The following SCIN variants were observed in gnomAD, a reference collection of about 807,000 sequenced individuals.
SCIN encodes adseverin.
In SCIN, 91 loss-of-function variants were observed where a neutral mutation model predicts 91.8. That is an observed-to-expected ratio of 0.99 (90% confidence interval 0.84 to 1.18). The LOEUF (loss-of-function observed/expected upper bound fraction) is 1.18, where lower values mean the gene tolerates loss of function less well. SCIN is among the 50% of genes most tolerant of loss of function. SCIN has a pLI of 0.00. For synonymous variants in SCIN, 367 were observed against 312.6 expected, an observed-to-expected ratio of 1.17 and a Z score of -1.84; for missense variants, 1,087 against 863.9, an observed-to-expected ratio of 1.26 and a Z score of -3.24.
intron 3 of SCIN, chr7:12,588,830 C>T (rs1023047474): frequency 3.3e-4 from 1 of 3,062 alleles, no homozygotes; most frequent in Non-Finnish European, 6.7e-4. Context: ...GGTGCGGGGG[C>T]GGGTGGGAAG....
intron 13 of SCIN, among the ~76,000 whole-genome samples, chr7:12,646,471 C>A (rs999459226): frequency 5.4e-4 from 82 of 152,166 alleles, no homozygotes; most frequent in Non-Finnish European, 2.8e-4. Context: ...AAGGCCCCAC[C>A]TCCTACTACC....
chr7:12,640,305 A>G, intron 10 of SCIN, 42 bp from the exon 11 acceptor site: 1 of 1,457,024 alleles, frequency 6.9e-7, no homozygotes. Flanking sequence ...CTTTCACAGC[A>G]CTCTTAATTA....
rs376264042 is a variant in SCIN, at chr7:12,651,786, A to G, written c.1960-55A>G. 1.9e-5 allele frequency: 22 copies of G among 1,134,496 alleles called. No homozygotes were observed. In the East Asian group the frequency reaches 5.5e-4, roughly 29 times the overall value. The allele number at this position is 1,134,496 out of a possible 1,614,324, so 70.3% of individuals were successfully genotyped here. A position where few individuals can be genotyped will look rare whatever the true frequency, so the allele number is the denominator to read the frequency against. On this transcript the variant is annotated intron_variant, in intron 14 of 15. Transcript: ENST00000297029. This position sits in a 1 kb window ranked among gnomAD's most constrained non-coding sequence, Gnocchi z 5.9. The stretch of plus-strand genomic sequence containing the variant: ...GTGTGAAGCACTTTACATAGGGCCT[A>G]GCACTGAGTCAACATCCCAGAAATC...
intron 2 of SCIN, among the ~76,000 whole-genome samples, chr7:12,578,687 A>G (rs1266940652): frequency 6.6e-6 from 1 of 152,012 alleles, no homozygotes; most frequent in African/African-American, 2.4e-5. Context: ...AGTAACTGTA[A>G]AGAACTATAC....
chr7:12,584,731 T>C (rs3087643), intron 3 of SCIN, among the ~76,000 whole-genome samples: 10,163 of 152,290 alleles, frequency 0.067, 425 homozygotes, highest in African/African-American at 0.094. Flanking sequence ...CAATATATTT[T>C]AAAGTTGGTG....
Position 12,654,414 on chromosome 7 carries a change from G to T in SCIN, c.*1699G>T, listed in dbSNP as rs2115308286. 6.6e-6 allele frequency: 1 copy of T among 152,182 alleles called. No individual in the cohort carries two copies. Among genetic ancestry groups the T allele is most frequent in the East Asian group, 1.9e-4 (1 of 5,186 alleles). The allele number at this position is 152,182 out of a possible 1,614,324, so 9.4% of individuals were successfully genotyped here. On this transcript the variant is annotated 3_prime_UTR_variant, in exon 16 of 16. Transcript: ENST00000297029. ...CCTAAAGGAAAATTTACCTAAAAAG[G>T]CGTTTTCTTGCTATGGCAGTGTAAC...
chr7:12,594,956 C>CTT, intron 3 of SCIN, among the ~76,000 whole-genome samples: 1 of 151,938 alleles, frequency 6.6e-6, no homozygotes, highest in Non-Finnish European at 1.5e-5. Flanking sequence ...ATGAGGTGGC[C>CTT]AACAATGGGA....
Position 12,629,157 on chromosome 7 carries a change from A to T in SCIN, c.1254A>T (p.Glu418Asp), listed in dbSNP as rs757677217. The stretch of plus-strand genomic sequence containing the variant: ...AAGTTGACCAAAACTCATATGGTGA[A>T]TTCTATGGTGGTGACTGCTACATCA... ...RIQVDQNSYG[E>D]FYGGDCYIIL... Residue 418 changes from glutamate to aspartate, a missense_variant, in exon 9 of 16, where the codon GAA (glutamate) becomes GAT (aspartate). Physicochemically the swap from Glu to Asp is conservative, Grantham distance 45. Coordinates refer to ENST00000297029, the MANE Select transcript of SCIN (RefSeq NM_001112706.3). The T allele has an allele frequency of 3.7e-6, 6 of 1,613,348 alleles. No homozygotes were observed. The South Asian group carries it at 4.4e-5, about 12-fold the overall frequency.
At position 12,626,605 on chromosome 7, in the gene SCIN, G is replaced by A. The variant is rs1783526289; in HGVS notation, c.1003G>A (p.Gly335Ser). ...TCAGATTCAAGTTCTTCCAGAAGGAGGTGAAACACCAATCTTCAAACAGTT... is the reference window on the plus strand; with the variant it reads ...TCAGATTCAAGTTCTTCCAGAAGGAAGTGAAACACCAATCTTCAAACAGTT... The part of the protein sequence containing the change: ...NTQIQVLPEG[G>S]ETPIFKQFFK... Residue 335 changes from glycine (G) to serine (S), a missense_variant, in exon 8 of 16, where the codon GGT becomes AGT. Physicochemically the swap from Gly to Ser is moderately conservative, Grantham distance 56. Coordinates refer to ENST00000297029, the MANE Select transcript of SCIN (RefSeq NM_001112706.3). 6 of 1,549,866 alleles carry A rather than the reference G, an allele frequency of 3.9e-6. No homozygotes were observed. In the East Asian group the frequency reaches 1.2e-4, roughly 32 times the overall value.
At chr7:12,573,572 A>G (rs1469923999) in intron 1 of SCIN, among the ~76,000 whole-genome samples, 1 of 152,204 alleles carries the variant, frequency 6.6e-6, no homozygotes. Context: ...ATTGCAAAGA[A>G]CTTAAATGTT....
intron 2 of SCIN, among the ~76,000 whole-genome samples, chr7:12,578,969 T>G (rs2115207887): frequency 7.1e-6 from 1 of 141,096 alleles, no homozygotes. Context: ...CCCTTCACCA[T>G]TCCTGCCACT....
chr7:12,583,296 C>T (rs1236573207), intron 3 of SCIN, among the ~76,000 whole-genome samples: 1 of 152,056 alleles, frequency 6.6e-6, no homozygotes, highest in Non-Finnish European at 1.5e-5. Context: ...TTTCTGATAC[C>T]ACTTTTATCC....
At chr7:12,650,261 C>T (rs1289130460) in intron 14 of SCIN, among the ~76,000 whole-genome samples, 1 of 152,124 alleles carries the variant, frequency 6.6e-6, no homozygotes, top group Non-Finnish European at 1.5e-5. Context: ...CTACAATGAC[C>T]ATGTTTGACT....
At chr7:12,594,600 G>A (rs1409363243) in intron 3 of SCIN, among the ~76,000 whole-genome samples, 2 of 152,108 alleles carry the variant, frequency 1.3e-5, no homozygotes, top group Non-Finnish European at 1.5e-5. Context: ...ATCCCTGAAC[G>A]GAGGCCGAGA....
intron 4 of SCIN, among the ~76,000 whole-genome samples, chr7:12,612,906 A>C (rs1783225906): frequency 6.6e-6 from 1 of 152,210 alleles, no homozygotes; most frequent in African/African-American, 2.4e-5. Flanking sequence ...AACCTTACAG[A>C]CAAGGTACCA....
chr7:12,636,190 T>G (rs1783748945), intron 10 of SCIN, 55 bp downstream of exon 10: 1 of 1,250,050 alleles, frequency 8.0e-7, no homozygotes, highest in Non-Finnish European at 1.2e-6. Context: ...GCTAGCTCAA[T>G]GGATAGCTAT....
intron 3 of SCIN, among the ~76,000 whole-genome samples, chr7:12,599,073 A>G (rs527948434): frequency 2.0e-5 from 3 of 152,238 alleles, no homozygotes; most frequent in Non-Finnish European, 1.5e-5. Flanking sequence ...TATCACTCGT[A>G]TGTAAATAGT....
rs945944345 is a variant in SCIN at position 12,655,189 on chromosome 7, A to T, written c.*2474A>T. On this transcript the variant is annotated 3_prime_UTR_variant, in exon 16 of 16. Coordinates refer to ENST00000297029, the MANE Select transcript of SCIN (RefSeq NM_001112706.3). ...TGTAAACGCTGTGTAAACAGTTGTT[A>T]TACTATATTGGTTTTTTAATTTGCA... The T allele has an allele frequency of 2.0e-5, 3 of 152,192 alleles. No homozygotes were observed. Among genetic ancestry groups the T allele is most frequent in the Non-Finnish European group, 4.4e-5 (3 of 68,028 alleles). The allele number at this position is 152,192 out of a possible 1,614,324, so 9.4% of individuals were successfully genotyped here.
intron 11 of SCIN, among the ~76,000 whole-genome samples, chr7:12,641,762 T>G (rs748308800): frequency 1.3e-5 from 2 of 152,130 alleles, no homozygotes; most frequent in Non-Finnish European, 2.9e-5. Flanking sequence ...GGCCTATAGC[T>G]GAATCCATGA....
Sources: gnomAD v4.1 joint callset for allele counts (sites outside exome capture counted in the v4.1 genomes callset) on GRCh38, gnomAD v4.1.1 for gene constraint, Gnocchi (gnomAD v3.1) non-coding constraint, MANE v1.5 for transcripts, NCBI Gene and HGNC (gene_info 2026-07-23, HGNC 2026-07-21) for gene names.